ALOX5AP: variants seen among roughly 807,000 people sequenced by gnomAD.
The protein encoded by ALOX5AP is arachidonate 5-lipoxygenase activating protein, also known as arachidonate 5-lipoxygenase-activating protein.
A neutral mutation model predicts 18.5 loss-of-function variants in ALOX5AP; 9 were observed. The observed-to-expected ratio is 0.49, with a 90% CI of 0.29 to 0.85. The LOEUF is 0.85. ALOX5AP is among the 40% of genes least tolerant of loss of function. The probability of loss-of-function intolerance (pLI) is 0.08; values close to 1 mark genes in which losing one functional copy is unlikely to be tolerated. For missense variants in ALOX5AP, 172 were observed against 202.5 expected (o/e 0.85, Z 0.91); for synonymous variants, 81 against 78.6 (o/e 1.03, Z -0.16).
intron 4 of ALOX5AP, among the ~76,000 whole-genome samples, chr13:30,760,806 G>A (rs908161574): frequency 2.6e-5 from 4 of 152,100 alleles, no homozygotes; most frequent in Non-Finnish European, 5.9e-5. Context: ...ACCTGGCCCC[G>A]AAAGATGCTT....
intron 1 of ALOX5AP, among the ~76,000 whole-genome samples, chr13:30,741,645 G>A (rs967684266): frequency 1.4e-5 from 2 of 147,828 alleles, no homozygotes; most frequent in South Asian, 2.2e-4. Flanking sequence ...CTGACCTCAG[G>A]TGATCTACCC....
chr13:30,744,213 C>T, intron 2 of ALOX5AP, 54 bp downstream of exon 2: 1 of 1,522,630 alleles, frequency 6.6e-7, no homozygotes, highest in Admixed American at 1.7e-5. Flanking sequence ...AGGGGGGCCT[C>T]CTTCTAGGAG....
At chr13:30,714,979 G>A (rs1408787115) in intron 1 of ALOX5AP, among the ~76,000 whole-genome samples, 1 of 152,122 alleles carries the variant, frequency 6.6e-6, no homozygotes, top group Non-Finnish European at 1.5e-5. Context: ...TCATCTCTCT[G>A]GCCAGATCAT....
chr13:30,759,614 A>G (rs1211291510), intron 4 of ALOX5AP, among the ~76,000 whole-genome samples: 3 of 152,200 alleles, frequency 2.0e-5, no homozygotes, highest in Non-Finnish European at 2.9e-5. Context: ...CTAGTTCTCA[A>G]AAAGCAAGAA....
chr13:30,713,910 C>T (rs539532972), intron 1 of ALOX5AP: 1 of 1,500,558 alleles, frequency 6.7e-7, no homozygotes, highest in East Asian at 2.5e-5. Context: ...CAAATTTGAC[C>T]TGGGCCCAGG....
At chr13:30,755,010 C>T (rs546166809) in intron 3 of ALOX5AP, among the ~76,000 whole-genome samples, 6 of 152,324 alleles carry the variant, frequency 3.9e-5, no homozygotes, top group African/African-American at 1.4e-4. Context: ...AACACTAGTT[C>T]CAGCTTAGTT....
At chr13:30,721,814 G>T (rs1951596435) in intron 1 of ALOX5AP, among the ~76,000 whole-genome samples, 1 of 152,134 alleles carries the variant, frequency 6.6e-6, no homozygotes, top group African/African-American at 2.4e-5. Flanking sequence ...TTTTCAATCA[G>T]ATTTCCCACT....
intron 1 of ALOX5AP, among the ~76,000 whole-genome samples, chr13:30,727,597 C>T (rs544536538): frequency 3.8e-4 from 58 of 152,256 alleles, no homozygotes; most frequent in African/African-American, 1.3e-3. Context: ...GGGCATGTGG[C>T]TCTGTCTCAC....
chr13:30,716,971 A>G (rs1238978643), intron 1 of ALOX5AP, among the ~76,000 whole-genome samples: 1 of 152,222 alleles, frequency 6.6e-6, no homozygotes, highest in Non-Finnish European at 1.5e-5. Context: ...GTGACAACAC[A>G]CAGGGAGTGT....
At chr13:30,715,293 T>C (rs1354316224) in intron 1 of ALOX5AP, among the ~76,000 whole-genome samples, 2 of 152,218 alleles carry the variant, frequency 1.3e-5, no homozygotes, top group Non-Finnish European at 2.9e-5. Flanking sequence ...AGATGAGACA[T>C]TGGGTACAAA....
chr13:30,722,648 G>C (rs1331282127), intron 1 of ALOX5AP, among the ~76,000 whole-genome samples: 2 of 152,206 alleles, frequency 1.3e-5, no homozygotes, highest in South Asian at 2.1e-4. Context: ...ATCTGATATA[G>C]TTTGAATATT....
chr13:30,742,611 T>C (rs1275820956), intron 1 of ALOX5AP: 1 of 152,084 alleles, frequency 6.6e-6, no homozygotes, highest in Non-Finnish European at 1.5e-5. Context: ...GCCCTACAGA[T>C]ACACTCAAAG....
intron 1 of ALOX5AP, among the ~76,000 whole-genome samples, chr13:30,737,855 A>G (rs776981201): frequency 3.9e-5 from 6 of 152,214 alleles, no homozygotes; most frequent in Non-Finnish European, 7.3e-5. Flanking sequence ...GGGGCAAAAC[A>G]TTCAAATAAC....
rs201221950 is a variant in ALOX5AP at position 30,744,209 on chromosome 13, G to A, written c.170+50G>A. On this transcript the variant is annotated intron_variant, in intron 2 of 4. Coordinates refer to ENST00000380490, the MANE Select transcript of ALOX5AP (RefSeq NM_001629.4). ...AATAAGTGGGGGCATGGGCAGGGGGGCCTCCTTCTAGGAGTGATGACCACC... is the reference window on the plus strand; with the variant it reads ...AATAAGTGGGGGCATGGGCAGGGGGACCTCCTTCTAGGAGTGATGACCACC... 3 of 1,546,546 alleles carry A rather than the reference G, an allele frequency of 1.9e-6. No individual in the cohort carries two copies. The East Asian group carries it at 6.8e-5, about 35-fold the overall frequency.
At chr13:30,724,911 C>T (rs1431755202) in intron 1 of ALOX5AP, among the ~76,000 whole-genome samples, 1 of 152,214 alleles carries the variant, frequency 6.6e-6, no homozygotes, top group African/African-American at 2.4e-5. Flanking sequence ...TTGACTGCTT[C>T]CCCTCAGTCT....
At chr13:30,758,955 CTA>C (rs755369607) in intron 4 of ALOX5AP, among the ~76,000 whole-genome samples, 2 of 152,078 alleles carry the variant, frequency 1.3e-5, no homozygotes, top group Non-Finnish European at 2.9e-5. Context: ...GTAGCTGAGA[CTA>C]CAGGTGTGCA....
At chr13:30,748,593 T>A (rs922260928) in intron 2 of ALOX5AP, among the ~76,000 whole-genome samples, 1 of 152,080 alleles carries the variant, frequency 6.6e-6, no homozygotes, top group Non-Finnish European at 1.5e-5. Context: ...TAGCGCAAAA[T>A]TTCTCAAAAG....
rs76201801 is a variant in ALOX5AP, at chr13:30,723,896, A to G, written c.116+10055A>G. Among the ~76,000 whole-genome samples the G allele has an allele frequency of 9.9e-3, 1,509 of 152,304 alleles. 24 individuals are homozygous for G. The highest frequency in any genetic ancestry group is 0.034 in the African/African-American group (1,430 of 41,550). ...ACTACAGGTGCATGCCACTGTGCTC[A>G]GCTAAACATTTTTTTGAAATGCTCT... is the stretch of plus-strand genomic sequence containing the variant. On this transcript the variant is annotated intron_variant, in intron 1 of 5. Coordinates refer to the ALOX5AP transcript ENST00000617770.
At chr13:30,718,218 C>G (rs1297715853) in intron 1 of ALOX5AP, among the ~76,000 whole-genome samples, 1 of 151,788 alleles carries the variant, frequency 6.6e-6, no homozygotes, top group South Asian at 2.1e-4. Flanking sequence ...CTCAGCCTCC[C>G]AAAGTGCTGG....
Sources: gnomAD v4.1 joint callset for allele counts (sites outside exome capture counted in the v4.1 genomes callset) on GRCh38, gnomAD v4.1.1 for gene constraint, MANE v1.5 for transcripts, NCBI Gene and HGNC (gene_info 2026-07-23, HGNC 2026-07-21) for gene names.